GFUS: variants seen among roughly 807,000 people sequenced by gnomAD.
GFUS encodes the protein GDP-L-fucose synthase, also known as 3-5 epimerase/4-reductase.
A neutral mutation model predicts 41.5 loss-of-function variants in GFUS; 42 were observed. The observed-to-expected ratio is 1.01, with a 90% CI of 0.79 to 1.31. GFUS has a LOEUF of 1.31. GFUS is among the 50% of genes most tolerant of loss of function. The pLI, the probability that GFUS is intolerant of heterozygous loss-of-function variation, is 0.00. For synonymous variants in GFUS, 188 were observed against 173.4 expected (o/e 1.08, Z -0.66); for missense variants, 437 against 428.7 (o/e 1.02, Z -0.17).
At position 143,614,623 on chromosome 8, in the gene GFUS, C is replaced by A; in HGVS notation, c.464+1G>T. The A allele has an allele frequency of 5.7e-6, 9 of 1,589,236 alleles. No homozygotes were observed. The highest frequency in any genetic ancestry group is 7.7e-6 in the Non-Finnish European group (9 of 1,163,076). ...GGCCTCAGCAGGATGGGCGCGAGGA[C>A]CTGTTCTGCACGTCGATCATCCTCT... On this transcript the variant is annotated splice_donor_variant, in intron 5 of 10. Transcript: ENST00000425753. LOFTEE classifies it high-confidence loss of function.
Position 143,616,576 on chromosome 8 carries a change from G to C in GFUS, c.137C>G (p.Ala46Gly), listed in dbSNP as rs143598669. 2 of 1,613,800 alleles carry C rather than the reference G, an allele frequency of 1.2e-6. No homozygotes were observed. The highest frequency in any genetic ancestry group is 2.2e-5 in the East Asian group (1 of 44,870). ...GGATGGGCTCACTCACGTGAGATCGGCGTCTTTAGAGGAGACAAACACCCA... is the reference window on the plus strand; with the variant it reads ...GGATGGGCTCACTCACGTGAGATCGCCGTCTTTAGAGGAGACAAACACCCA... ...EDWVFVSSKDADLTDTAQTRA... is the reference protein window; with the variant it reads ...EDWVFVSSKDGDLTDTAQTRA... The change falls in exon 2 of 11, where the codon GCC (alanine) becomes GGC (glycine). Residue 46 changes from alanine (A) to glycine (G), a missense_variant. Transcript: ENST00000425753.
chr8:143,612,971 G>A lies in GFUS; in HGVS notation c.911-6C>T, dbSNP rs1178099429. On this transcript the variant is annotated splice_polypyrimidine_tract_variant and splice_region_variant and intron_variant, in intron 10 of 10. Coordinates refer to ENST00000425753, the MANE Select transcript of GFUS (RefSeq NM_003313.4). ...AGCACAGGTCTCCTTCACCGCTGCA[G>A]AGGCAGGCAGGTGAGGGCCATGGAC... 1.9e-6 allele frequency: 3 copies of A among 1,609,482 alleles called. No homozygotes were observed. The highest frequency in any genetic ancestry group is 1.7e-6 in the Non-Finnish European group (2 of 1,178,606).
intron 1 of GFUS, 79 bp from the exon 2 acceptor site, chr8:143,616,802 C>G (rs1319531956): frequency 6.4e-7 from 1 of 1,555,964 alleles, no homozygotes; most frequent in East Asian, 2.2e-5. Context: ...GCAACTGGCA[C>G]AGAGTGAGGC....
rs1197184236 is a variant in GFUS, at chr8:143,614,319, C to T, written c.598+1G>A. The stretch of plus-strand genomic sequence containing the variant: ...GCACCCCATCGGACGGACGCACTCA[C>T]TCTTGGCCAGGTGCACCTTGTGGAT... On this transcript the variant is annotated splice_donor_variant, in intron 6 of 10. Coordinates refer to ENST00000425753, the MANE Select transcript of GFUS (RefSeq NM_003313.4). LOFTEE classifies it high-confidence loss of function. The T allele has an allele frequency of 6.2e-7, 1 of 1,613,594 alleles. No homozygotes were observed. The highest frequency in any genetic ancestry group is 8.5e-7 in the Non-Finnish European group (1 of 1,179,814).
Position 143,614,647 on chromosome 8 carries a change from C to T in GFUS, c.441G>A (p.Lys147=), listed in dbSNP as rs891515901. ...HNSNFGYSYA[K]RMIDVQNRAY... is the part of the protein sequence containing the mutation. ...ACCTGTTCTGCACGTCGATCATCCT[C>T]TTGGCATACGAGTACCCAAAATTGC... Residue 147 remains lysine (K), a synonymous_variant, in exon 5 of 11, where the codon AAG becomes AAA. Coordinates refer to ENST00000425753, the MANE Select transcript of GFUS (RefSeq NM_003313.4). 3.1e-6 allele frequency: 5 copies of T among 1,603,998 alleles called. No homozygotes were observed. The highest frequency in any genetic ancestry group is 1.7e-4 in the Middle Eastern group (1 of 6,048).
chr8:143,616,206 G>A lies in GFUS; in HGVS notation c.161C>T (p.Thr54Ile), dbSNP rs759921866. ...KDADLTDTAQ[T>I]RALFEKVQPT... ...TTGGACCTTCTCAAACAGGGCGCGGGTCTGTGCTGTATCCCTGTAGGAAGC... is the reference window on the plus strand; with the variant it reads ...TTGGACCTTCTCAAACAGGGCGCGGATCTGTGCTGTATCCCTGTAGGAAGC... The change falls in exon 3 of 11, where the codon ACC (threonine) becomes ATC (isoleucine). Residue 54 changes from threonine to isoleucine, a missense_variant. Transcript: ENST00000425753. The A allele has an allele frequency of 3.7e-6, 6 of 1,613,914 alleles. No homozygotes were observed. The African/African-American group carries it at 6.7e-5, about 18-fold the overall frequency.
Position 143,612,833 on chromosome 8 carries a change from C to G in GFUS, c.*77G>C. ...GGTTGCTGGGTGGTGCCCTCAGCTC[C>G]TGGCAGGGTTGACGGGTGGTGGCCG... On this transcript the variant is annotated 3_prime_UTR_variant, in exon 11 of 11. Coordinates refer to ENST00000425753, the MANE Select transcript of GFUS (RefSeq NM_003313.4). 6.5e-7 allele frequency: 1 copy of G among 1,530,920 alleles called. No homozygotes were observed. The highest frequency in any genetic ancestry group is 8.8e-7 in the Non-Finnish European group (1 of 1,135,522). The allele number at this position is 1,530,920 out of a possible 1,614,324, so 94.8% of individuals were successfully genotyped here. A position where few individuals can be genotyped will look rare whatever the true frequency, so the allele number is the denominator to read the frequency against.
chr8:143,614,589 T>A (rs1294223200), intron 5 of GFUS, 35 bp downstream of exon 5: 1 of 1,565,240 alleles, frequency 6.4e-7, no homozygotes, highest in Non-Finnish European at 8.7e-7. Flanking sequence ...TCTCCCCGAC[T>A]CCTGGCTGGG....
In GFUS at chr8:143,612,638, T is replaced by C; in HGVS notation, c.*272A>G. The C allele has an allele frequency of 1.7e-6, 1 of 578,328 alleles. No individual in the cohort carries two copies. The allele number at this position is 578,328 out of a possible 1,614,324, so 35.8% of individuals were successfully genotyped here. A position where few individuals can be genotyped will look rare whatever the true frequency, so the allele number is the denominator to read the frequency against. Reference sequence around the variant, plus strand: ...GCCAGGCCTGTGAAAATGCACTTTATTGGCTCCCAGGGAGTGGGATGCAGG... The same window carrying C: ...GCCAGGCCTGTGAAAATGCACTTTACTGGCTCCCAGGGAGTGGGATGCAGG... On this transcript the variant is annotated 3_prime_UTR_variant, in exon 11 of 11. Transcript: ENST00000425753.
In GFUS at chr8:143,613,538, G is replaced by A; in HGVS notation, c.796C>T (p.His266Tyr). 1 of 1,610,828 alleles carries A rather than the reference G, an allele frequency of 6.2e-7. No homozygotes were observed. Among genetic ancestry groups the A allele is most frequent in the Non-Finnish European group, 8.5e-7 (1 of 1,179,844 alleles). The change falls in exon 9 of 11, where the codon CAT (histidine) becomes TAT (tyrosine). Residue 266 changes from histidine (H) to tyrosine (Y), a missense_variant. By Grantham distance (83) the His-to-Tyr change is moderately conservative (BLOSUM62 2). Coordinates refer to ENST00000425753, the MANE Select transcript of GFUS (RefSeq NM_003313.4). ...AEAVVEAMDF[H>Y]GEVTFDTTKS... Reference sequence around the variant, plus strand: ...CCAGAGGATACGGTGACTTCCCCATGGAAGTCCATGGCCTCCACCACCGCC... The same window carrying A: ...CCAGAGGATACGGTGACTTCCCCATAGAAGTCCATGGCCTCCACCACCGCC...
Position 143,614,807 on chromosome 8 carries a change from AGGTC to A in GFUS, c.366_369del (p.Tyr124ArgfsTer2). On this transcript the variant is annotated frameshift_variant, in exon 4 of 11. Coordinates refer to ENST00000425753, the MANE Select transcript of GFUS (RefSeq NM_003313.4). LOFTEE classifies it high-confidence loss of function. ...CTCACCATGGTCTCATCTATCGGGT[AGGTC>A]GTCTTGTCAGGGAAGATACAGGTGG... The A allele has an allele frequency of 6.2e-7, 1 of 1,613,616 alleles. No homozygotes were observed. The highest frequency in any genetic ancestry group is 8.5e-7 in the Non-Finnish European group (1 of 1,179,986).
At position 143,614,457 on chromosome 8, in the gene GFUS, C is replaced by T. The variant is rs189665741; in HGVS notation, c.465-4G>A. On this transcript the variant is annotated splice_region_variant and splice_polypyrimidine_tract_variant and intron_variant, in intron 5 of 10. Coordinates refer to ENST00000425753, the MANE Select transcript of GFUS (RefSeq NM_003313.4). ...GCCGTACTGCTGGAAGTAGGCCCTG[C>T]GGAGGCACAGCGTCTCCTGCCCTCG... The T allele has an allele frequency of 8.9e-5, 143 of 1,609,274 alleles. No individual in the cohort carries two copies. In the African/African-American group the frequency reaches 1.6e-3, roughly 18 times the overall value.
intron 5 of GFUS, 34 bp downstream of exon 5, chr8:143,614,590 C>T: frequency 6.4e-7 from 1 of 1,565,108 alleles, no homozygotes; most frequent in Non-Finnish European, 8.7e-7. Context: ...CTCCCCGACT[C>T]CTGGCTGGGC....
Position 143,613,574 on chromosome 8 carries a change from C to T in GFUS, c.760G>A (p.Glu254Lys), listed in dbSNP as rs1400973522. Residue 254 changes from glutamate to lysine, a missense_variant, in exon 9 of 11, where the codon GAG (glutamate) becomes AAG (lysine). By Grantham distance (56) the Glu-to-Lys change is moderately conservative. Transcript: ENST00000425753. ...GCCTCCACCACCGCCTCGGCTGCCTCCTTGATGGAGACCTCATCTTCCTCG... is the reference window on the plus strand; with the variant it reads ...GCCTCCACCACCGCCTCGGCTGCCTTCTTGATGGAGACCTCATCTTCCTCG... The part of the protein sequence containing the change: ...VGEEDEVSIK[E>K]AAEAVVEAMD... The T allele has an allele frequency of 1.2e-6, 2 of 1,611,836 alleles. No homozygotes were observed. Among genetic ancestry groups the T allele is most frequent in the Non-Finnish European group, 1.7e-6 (2 of 1,179,954 alleles).
chr8:143,614,495 G>A (rs777620281), intron 5 of GFUS, 42 bp from the exon 6 acceptor site: 13 of 1,584,892 alleles, frequency 8.2e-6, no homozygotes, highest in East Asian at 2.3e-5. Context: ...CTGGGCCCGC[G>A]ATCCCACCCC....
chr8:143,613,433 G>A lies in GFUS; in HGVS notation c.810+91C>T, dbSNP rs1829629043. On this transcript the variant is annotated intron_variant, in intron 9 of 10. Transcript: ENST00000425753. ...CCAGGGTGAGCATCCTCCCTCCGCAGTGTCCCACCCACGCTGGCCCTACAC... is the reference window on the plus strand; with the variant it reads ...CCAGGGTGAGCATCCTCCCTCCGCAATGTCCCACCCACGCTGGCCCTACAC... The A allele has an allele frequency of 2.6e-6, 4 of 1,512,172 alleles. No homozygotes were observed. The African/African-American group carries it at 4.1e-5, about 16-fold the overall frequency. The allele number at this position is 1,512,172 out of a possible 1,614,324, so 93.7% of individuals were successfully genotyped here.
In GFUS at chr8:143,613,833, G is replaced by A. The variant is rs777269513; in HGVS notation, c.664-16C>T. 4.5e-6 allele frequency: 7 copies of A among 1,550,586 alleles called. No individual in the cohort carries two copies. Among genetic ancestry groups the A allele is most frequent in the Non-Finnish European group, 6.1e-6 (7 of 1,146,950 alleles). ...GGGCCAGGTCCTAGAGGTCAGACAG[G>A]CAGGGTCAGAGACCATGGGTATAGC... is the stretch of plus-strand genomic sequence containing the variant. On this transcript the variant is annotated splice_polypyrimidine_tract_variant and intron_variant, in intron 7 of 10. Transcript: ENST00000425753.
At position 143,614,768 on chromosome 8, in the gene GFUS, G is replaced by A; in HGVS notation, c.390+19C>T. The A allele has an allele frequency of 1.2e-6, 2 of 1,613,378 alleles. No individual in the cohort carries two copies. The highest frequency in any genetic ancestry group is 8.5e-7 in the Non-Finnish European group (1 of 1,179,974). On this transcript the variant is annotated intron_variant, in intron 4 of 10. Coordinates refer to ENST00000425753, the MANE Select transcript of GFUS (RefSeq NM_003313.4). Reference sequence around the variant, plus strand: ...CACCGGCTCCCCGGCCCCACCCACAGCCAGGCCCTGCCCCTCACCATGGTC... The same window carrying A: ...CACCGGCTCCCCGGCCCCACCCACAACCAGGCCCTGCCCCTCACCATGGTC...
intron 3 of GFUS, among the ~76,000 whole-genome samples, chr8:143,615,437 G>C (rs1829701698): frequency 6.6e-6 from 1 of 152,218 alleles, no homozygotes; most frequent in East Asian, 1.9e-4. Context: ...GGAGAAGGGA[G>C]AGGTGGTGGC....
Sources: allele counts gnomAD v4.1 joint callset (sites outside exome capture counted in the v4.1 genomes callset), GRCh38; gene constraint gnomAD v4.1.1; transcripts MANE v1.5; gene names NCBI Gene and HGNC (gene_info 2026-07-23, HGNC 2026-07-21).